CIITA: variants seen among roughly 807,000 people sequenced by gnomAD.
CIITA encodes the protein MHC class II transactivator.
CIITA carries 72 observed loss-of-function variants against 115.1 expected under a neutral mutation model. The observed-to-expected ratio is 0.63, with a 90% CI of 0.52 to 0.76. The LOEUF is 0.76. Ranked by LOEUF, CIITA falls within the 30% of genes least tolerant of loss-of-function variation. The probability of loss-of-function intolerance (pLI) is 0.00; values close to 1 mark genes in which losing one functional copy is unlikely to be tolerated. For synonymous variants in CIITA, 763 were observed against 635.6 expected (o/e 1.20, Z -3.02); for missense variants, 1,617 against 1,463.8 (o/e 1.10, Z -1.71).
chr16:10,898,533 T>C (rs953754298), intron 3 of CIITA, 137 bp from the exon 4 acceptor site: 2 of 567,520 alleles, frequency 3.5e-6, no homozygotes, highest in Admixed American at 6.5e-5. Flanking sequence ...ATTTGTTTGA[T>C]CATTCATTCA....
In CIITA at chr16:10,901,635, C is replaced by G. The variant is rs1485694322; in HGVS notation, c.481+77C>G. ...GGATGGAAGAGATTGAACTCCTGGC[C>G]CAAGTCTGATGGGGATGGTGCATGG... On this transcript the variant is annotated intron_variant, in intron 6 of 19. Coordinates refer to ENST00000324288, the MANE Select transcript of CIITA (RefSeq NM_000246.4). The surrounding 1 kb of genome is among the most constrained non-coding windows in gnomAD (Gnocchi z 6.8). The G allele has an allele frequency of 6.8e-7, 1 of 1,465,214 alleles. No individual in the cohort carries two copies. Among genetic ancestry groups the G allele is most frequent in the East Asian group, 2.4e-5 (1 of 42,342 alleles). 90.8% of individuals were successfully genotyped at this position (1,465,214 alleles called of 1,614,324 possible).
At chr16:10,910,742 T>C (rs2039504111) in intron 13 of CIITA, among the ~76,000 whole-genome samples, 1 of 152,190 alleles carries the variant, frequency 6.6e-6, no homozygotes. Flanking sequence ...CATAGGAGGA[T>C]GCCACTATGA....
chr16:10,909,159 G>A lies in CIITA; in HGVS notation c.2788G>A (p.Asp930Asn). ...AGCCAAGTCCCTGAAGGATGTGGAAGACCTGGGAAAGCTTGTGCAGACTCA... is the reference window on the plus strand; with the variant it reads ...AGCCAAGTCCCTGAAGGATGTGGAAAACCTGGGAAAGCTTGTGCAGACTCA... Reference protein sequence around the residue: ...FKAKSLKDVEDLGKLVQTQRT... With the variant: ...FKAKSLKDVENLGKLVQTQRT... Residue 930 changes from aspartate (D) to asparagine (N), a missense_variant, in exon 12 of 20, where the codon GAC becomes AAC. Coordinates refer to ENST00000324288, the MANE Select transcript of CIITA (RefSeq NM_000246.4). The A allele has an allele frequency of 6.2e-7, 1 of 1,614,238 alleles. No homozygotes were observed. Among genetic ancestry groups the A allele is most frequent in the African/African-American group, 1.3e-5 (1 of 75,072 alleles).
chr16:10,921,333 T>TA (rs1437781264), intron 16 of CIITA, among the ~76,000 whole-genome samples: 2 of 152,220 alleles, frequency 1.3e-5, no homozygotes, highest in Non-Finnish European at 2.9e-5. Flanking sequence ...TCACTGCTAC[T>TA]AATGCTGGTT....
At chr16:10,887,305 CA>C (rs1022095048) in intron 1 of CIITA, among the ~76,000 whole-genome samples, 3 of 151,990 alleles carry the variant, frequency 2.0e-5, no homozygotes, top group African/African-American at 7.3e-5. Flanking sequence ...ATCAGAATCT[CA>C]AAAAGACTCA....
At chr16:10,902,849 T>C (rs771443378) in intron 8 of CIITA, 48 bp downstream of exon 8, 1 of 1,610,102 alleles carries the variant, frequency 6.2e-7, no homozygotes. Context: ...CCTACCTGAC[T>C]GCTCCCTGAC....
intron 12 of CIITA, 122 bp downstream of exon 12, chr16:10,909,309 T>A (rs1209744967): frequency 9.8e-7 from 1 of 1,024,398 alleles, no homozygotes; most frequent in Non-Finnish European, 1.5e-6. Flanking sequence ...CCCCATGCCC[T>A]CTTTCTGGGC....
At chr16:10,911,371 T>C (rs1318742816) in intron 13 of CIITA, among the ~76,000 whole-genome samples, 1 of 93,102 alleles carries the variant, frequency 1.1e-5, no homozygotes. Context: ...TCTCTGTTTC[T>C]TTCTTTCTTT....
chr16:10,877,128 G>GT (rs1236846771), upstream of CIITA: 25 of 639,654 alleles, frequency 3.9e-5, no homozygotes, highest in Non-Finnish European at 5.9e-5. Context: ...TGCAGGGAGA[G>GT]TTTTTTTGAT....
chr16:10,906,280 A>G (rs965762150), intron 10 of CIITA, among the ~76,000 whole-genome samples: 2 of 152,218 alleles, frequency 1.3e-5, no homozygotes, highest in African/African-American at 4.8e-5. Flanking sequence ...GGATCGCATG[A>G]GCCCAGGAGG....
chr16:10,885,080 C>T (rs2036805137), intron 1 of CIITA, among the ~76,000 whole-genome samples: 1 of 152,082 alleles, frequency 6.6e-6, no homozygotes, highest in South Asian at 2.1e-4. Context: ...GTAGTGGGGC[C>T]TCTGGTAACA....
chr16:10,921,590 C>A (rs1423147137), intron 16 of CIITA, among the ~76,000 whole-genome samples: 2 of 152,208 alleles, frequency 1.3e-5, no homozygotes, highest in Non-Finnish European at 2.9e-5. Context: ...GATGGGCAAA[C>A]TGAGTCTCAG....
At position 10,901,961 on chromosome 16, in the gene CIITA, T is replaced by C; in HGVS notation, c.482-77T>C. ...TTTCCTCTGTCAGGAGAGACATCCA[T>C]GCCACTCCAGGGCCCTCCCCATCCC... On this transcript the variant is annotated intron_variant, in intron 6 of 19. Transcript: ENST00000324288. This position sits in a 1 kb window ranked among gnomAD's most constrained non-coding sequence, Gnocchi z 6.8. The C allele has an allele frequency of 2.5e-6, 4 of 1,578,686 alleles. No homozygotes were observed. The highest frequency in any genetic ancestry group is 3.5e-6 in the Non-Finnish European group (4 of 1,153,282).
At position 10,915,448 on chromosome 16, in the gene CIITA, A is replaced by C. The variant is rs111266300; in HGVS notation, c.2889-122A>C. 1,848 of 770,384 alleles carry C rather than the reference A, an allele frequency of 2.4e-3. 31 individuals are homozygous for C. The African/African-American group carries it at 0.027, about 11-fold the overall frequency. 47.7% of individuals were successfully genotyped at this position (770,384 alleles called of 1,614,324 possible). A position where few individuals can be genotyped will look rare whatever the true frequency, so the allele number is the denominator to read the frequency against. ...GCAGGGACCTAAGAGGCTGGGGTGG[A>C]AGGGAAGAGGAGGGGCCTCAGACAG... is the stretch of plus-strand genomic sequence containing the variant. On this transcript the variant is annotated intron_variant, in intron 13 of 19. Transcript: ENST00000324288.
chr16:10,886,771 T>C (rs2036991893), intron 1 of CIITA, among the ~76,000 whole-genome samples: 1 of 152,240 alleles, frequency 6.6e-6, no homozygotes, highest in African/African-American at 2.4e-5. Flanking sequence ...GCCAACAAAA[T>C]GCAGTCGATT....
At position 10,930,120 on chromosome 16, in the gene CIITA, C is replaced by T. The variant is rs575634504; in HGVS notation, c.*6265C>T. The T allele has an allele frequency of 6.6e-6, 1 of 152,578 alleles. No individual in the cohort carries two copies. The highest frequency in any genetic ancestry group is 2.4e-5 in the African/African-American group (1 of 41,586). The allele number at this position is 152,578 out of a possible 1,614,324, so 9.5% of individuals were successfully genotyped here. Reference sequence around the variant, plus strand: ...ACGTCCCCGTTTCCCACTGCCTTCTCTGTGTGCCTAGCCGGGTGCCAGTGT... The same window carrying T: ...ACGTCCCCGTTTCCCACTGCCTTCTTTGTGTGCCTAGCCGGGTGCCAGTGT... On this transcript the variant is annotated 3_prime_UTR_variant, in exon 20 of 20. Coordinates refer to ENST00000324288, the MANE Select transcript of CIITA (RefSeq NM_000246.4).
Position 10,941,722 on chromosome 16 carries a change from T to A in CIITA, n.848T>A. On this transcript the variant is annotated non_coding_transcript_exon_variant, in exon 2 of 2. Coordinates refer to the CIITA transcript ENST00000573379. The surrounding 1 kb of genome is among the most constrained non-coding windows in gnomAD (Gnocchi z 6.4). ...AGGGGAACAGCAGTCGAGACCCTACTCCAAGTACGCATCAAAGACGTCGAG... is the reference window on the plus strand; with the variant it reads ...AGGGGAACAGCAGTCGAGACCCTACACCAAGTACGCATCAAAGACGTCGAG... The A allele has an allele frequency of 6.2e-7, 1 of 1,607,566 alleles. No individual in the cohort carries two copies.
At chr16:10,868,429 GACA>G (rs1379406692) in intron 1 of CIITA, among the ~76,000 whole-genome samples, 1 of 152,192 alleles carries the variant, frequency 6.6e-6, no homozygotes. Flanking sequence ...TTCCTGCCAA[GACA>G]ACATTTCTAC....
In CIITA at chr16:10,879,738, CG is replaced by C. The variant is rs1400726821; in HGVS notation, c.52+2357del. Reference sequence around the variant, plus strand: ...CACCCTCTAAGGAGAGAGGCTAAAGCGCCCCGGAAAGCCAGCGTGCGAATGC... The same window carrying C: ...CACCCTCTAAGGAGAGAGGCTAAAGCCCCCGGAAAGCCAGCGTGCGAATGC... On this transcript the variant is annotated intron_variant, in intron 1 of 19. Coordinates refer to ENST00000324288, the MANE Select transcript of CIITA (RefSeq NM_000246.4). The surrounding 1 kb of genome is among the most constrained non-coding windows in gnomAD (Gnocchi z 4.3). Among the ~76,000 whole-genome samples the C allele has an allele frequency of 6.6e-6, 1 of 152,166 alleles. No homozygotes were observed. Among genetic ancestry groups the C allele is most frequent in the Non-Finnish European group, 1.5e-5 (1 of 68,022 alleles).
Sources: allele counts gnomAD v4.1 joint callset (sites outside exome capture counted in the v4.1 genomes callset), GRCh38; gene constraint gnomAD v4.1.1; non-coding constraint Gnocchi (gnomAD v3.1); transcripts MANE v1.5; gene names NCBI Gene and HGNC (gene_info 2026-07-23, HGNC 2026-07-21).